The following CTCFL variants were observed in gnomAD, a reference collection of about 807,000 sequenced individuals.
The protein encoded by CTCFL is CCCTC-binding factor like, also known as transcriptional repressor CTCFL.
Under a neutral mutation model 67.4 loss-of-function variants are expected in CTCFL, and 36 were observed. The ratio of observed to expected loss-of-function variants is 0.53; its 90% CI spans 0.41 to 0.71. The LOEUF is 0.71. Among genes scored for constraint, CTCFL ranks in the 30% least tolerant of loss-of-function variants. The pLI, the probability that CTCFL is intolerant of heterozygous loss-of-function variation, is 0.00. For synonymous variants in CTCFL, 324 were observed against 302.3 expected, an observed-to-expected ratio of 1.07 and a Z score of -0.75; for missense variants, 786 against 835.2, an observed-to-expected ratio of 0.94 and a Z score of 0.73.
chr20:57,519,564 C>G (rs772393239), intron 3 of CTCFL, among the ~76,000 whole-genome samples, 187 bp from the exon 4 acceptor site: 15 of 152,170 alleles, frequency 9.9e-5, no homozygotes, highest in Non-Finnish European at 1.9e-4. Flanking sequence ...AATGCATTTT[C>G]GCTGTTTCAA....
chr20:57,500,297 A>G, intron 10 of CTCFL: 1 of 719,966 alleles, frequency 1.4e-6, no homozygotes, highest in Non-Finnish European at 2.0e-6. Context: ...ACTAAAAATA[A>G]TAGAACAATT....
intron 5 of CTCFL, among the ~76,000 whole-genome samples, chr20:57,517,054 A>C (rs932371410): frequency 4.6e-5 from 7 of 152,238 alleles, no homozygotes; most frequent in Non-Finnish European, 1.0e-4. Flanking sequence ...AGAACAAAAG[A>C]AAGCTTAGAA....
intron 10 of CTCFL, chr20:57,499,886 C>CGGTGGTCG: frequency 1.2e-6 from 1 of 830,090 alleles, no homozygotes; most frequent in Non-Finnish European, 1.4e-6. Context: ...AAGCTTCACT[C>CGGTGGTCG]CCTCACCCAC....
chr20:57,501,305 C>T (rs757590091), intron 10 of CTCFL, among the ~76,000 whole-genome samples: 8 of 150,758 alleles, frequency 5.3e-5, no homozygotes, highest in Admixed American at 3.3e-4. Context: ...GGTGGTCGCG[C>T]GAAGTGCTTT....
rs1425700082 is a variant in CTCFL, at chr20:57,502,659, G to GT, written c.1840+776dup. On this transcript the variant is annotated intron_variant, in intron 10 of 10. Coordinates refer to ENST00000243914, the MANE Select transcript of CTCFL (RefSeq NM_001386993.1). ...ACAGTGCAGGTGTTCACCTGTGCAGGTGTCAGGTTGGCCCCTCTTACAGCA... is the reference window on the plus strand; with the variant it reads ...ACAGTGCAGGTGTTCACCTGTGCAGGTTGTCAGGTTGGCCCCTCTTACAGCA... Among the ~76,000 whole-genome samples the GT allele has an allele frequency of 3.9e-5, 6 of 152,156 alleles. 1 individual carries two copies. Among genetic ancestry groups the GT allele is most frequent in the African/African-American group, 1.4e-4 (6 of 41,432 alleles).
At chr20:57,522,139 G>A (rs77521899) in intron 3 of CTCFL, among the ~76,000 whole-genome samples, 3,879 of 152,268 alleles carry the variant, frequency 0.025, 64 homozygotes, top group Middle Eastern at 0.048. Context: ...AACCACCTAT[G>A]GAAGGCAGAG....
rs1393894600 is a variant in CTCFL at position 57,503,565 on chromosome 20, C to T, written c.1711G>A (p.Gly571Arg). Residue 571 changes from glycine (G) to arginine (R), a missense_variant, in exon 10 of 11, where the codon GGG becomes AGG. By Grantham distance (125) the Gly-to-Arg change is moderately radical (BLOSUM62 -2). This residue lies in a region of CTCFL where 199 missense variants were observed against 196.7 expected (regional missense o/e 1.01). Coordinates refer to ENST00000243914, the MANE Select transcript of CTCFL (RefSeq NM_001386993.1). Reference sequence around the variant, plus strand: ...CCTGAAGCAGCCGACTTTGCTTCCCCTGATCCACACTTCTCCGAATGTCTG... The same window carrying T: ...CCTGAAGCAGCCGACTTTGCTTCCCTTGATCCACACTTCTCCGAATGTCTG... Reference protein sequence around the residue: ...LHRHSEKCGSGEAKSAASGKG... With the variant: ...LHRHSEKCGSREAKSAASGKG... 1 of 1,614,074 alleles carries T rather than the reference C, an allele frequency of 6.2e-7. No homozygotes were observed. Among genetic ancestry groups the T allele is most frequent in the Admixed American group, 1.7e-5 (1 of 60,020 alleles).
At position 57,524,058 on chromosome 20, in the gene CTCFL, C is replaced by G. The variant is rs6070128; in HGVS notation, c.148G>C (p.Glu50Gln). The G allele has an allele frequency of 0.39, 627,553 of 1,613,480 alleles. 125,868 individuals are homozygous for G. Among genetic ancestry groups the G allele is most frequent in the Middle Eastern group, 0.5 (3,050 of 6,062 alleles). Residue 50 changes from glutamate (E) to glutamine (Q), a missense_variant, in exon 2 of 11, where the codon GAG becomes CAG. Transcript: ENST00000243914. ...DHRSPSELEA[E>Q]RTSGAFQDSV... The stretch of plus-strand genomic sequence containing the variant: ...TCCTGGAAGGCCCCAGAGGTACGCT[C>G]GGCCTCCAACTCACTAGGGCTCCGA...
At chr20:57,508,550 T>C (rs55924405) in intron 9 of CTCFL, 56 bp downstream of exon 9, 155,164 of 1,544,318 alleles carry the variant, frequency 0.1, 8,776 homozygotes, top group South Asian at 0.15. Flanking sequence ...GACACTGTCC[T>C]CCTGAGATAG....
intron 9 of CTCFL, among the ~76,000 whole-genome samples, chr20:57,504,903 C>T (rs926703123): frequency 6.6e-6 from 1 of 151,904 alleles, no homozygotes; most frequent in Non-Finnish European, 1.5e-5. Context: ...GGCAAGGTAT[C>T]CTCCATGCGC....
Position 57,497,178 on chromosome 20 carries a change from G to A in CTCFL, c.*1372C>T. On this transcript the variant is annotated 3_prime_UTR_variant, in exon 11 of 11. Coordinates refer to ENST00000243914, the MANE Select transcript of CTCFL (RefSeq NM_001386993.1). The stretch of plus-strand genomic sequence containing the variant: ...CATATAACAAATATAGCAATTTTAA[G>A]TCATTTCATTTTATTGAATTATGTA... 2.7e-5 allele frequency: 23 copies of A among 842,318 alleles called. No homozygotes were observed. The highest frequency in any genetic ancestry group is 3.3e-5 in the Non-Finnish European group (23 of 699,646). The allele number at this position is 842,318 out of a possible 1,614,324, so 52.2% of individuals were successfully genotyped here.
intron 5 of CTCFL, among the ~76,000 whole-genome samples, chr20:57,516,872 G>A (rs1334794102): frequency 1.3e-5 from 2 of 152,222 alleles, no homozygotes; most frequent in Admixed American, 6.5e-5. Context: ...TTCTTATTCT[G>A]TATTCGTGTA....
chr20:57,513,000 G>A (rs1236217531), intron 7 of CTCFL, among the ~76,000 whole-genome samples: 2 of 152,016 alleles, frequency 1.3e-5, no homozygotes, highest in African/African-American at 2.4e-5. Context: ...AGATATCACC[G>A]CCTGTCTTCT....
chr20:57,514,897 C>T (rs2068805706), intron 6 of CTCFL, 156 bp from the exon 7 acceptor site: 3 of 706,680 alleles, frequency 4.2e-6, no homozygotes, highest in Non-Finnish European at 7.0e-6. Flanking sequence ...CCAAATCAAG[C>T]CCAGACAGCT....
intron 1 of CTCFL, chr20:57,524,447 G>A (rs749144817): frequency 1.2e-5 from 16 of 1,355,500 alleles, no homozygotes; most frequent in East Asian, 3.0e-5. Flanking sequence ...ACCCTAGAAC[G>A]AACAGGTTTG....
chr20:57,503,567 G>A lies in CTCFL; in HGVS notation c.1709C>T (p.Ser570Leu). 6.2e-7 allele frequency: 1 copy of A among 1,614,122 alleles called. No homozygotes were observed. Among genetic ancestry groups the A allele is most frequent in the South Asian group, 1.1e-5 (1 of 91,080 alleles). Residue 570 changes from serine (S) to leucine (L), a missense_variant, in exon 10 of 11, where the codon TCA (serine) becomes TTA (leucine). Ser to Leu is a moderately radical substitution (Grantham distance 145, BLOSUM62 -2). Around this residue, in one of 3 missense-constraint regions of CTCFL, gnomAD observed 199 missense variants for 196.7 expected, o/e 1.01. Coordinates refer to ENST00000243914, the MANE Select transcript of CTCFL (RefSeq NM_001386993.1). ...TGAAGCAGCCGACTTTGCTTCCCCT[G>A]ATCCACACTTCTCCGAATGTCTGTG... ...NLHRHSEKCGSGEAKSAASGK... is the reference protein window; with the variant it reads ...NLHRHSEKCGLGEAKSAASGK...
chr20:57,519,520 G>T, intron 3 of CTCFL, 143 bp from the exon 4 acceptor site: 1 of 716,764 alleles, frequency 1.4e-6, no homozygotes, highest in African/African-American at 1.8e-5. Context: ...GCTGATCGAA[G>T]CAATTCAGGA....
In CTCFL at chr20:57,512,625, G is replaced by A. The variant is rs756924743; in HGVS notation, c.1458C>T (p.Phe486=). 1 of 1,614,214 alleles carries A rather than the reference G, an allele frequency of 6.2e-7. No individual in the cohort carries two copies. The change falls in exon 8 of 11, where the codon TTC becomes TTT. Residue 486 remains phenylalanine (F), a synonymous_variant. Coordinates refer to ENST00000243914, the MANE Select transcript of CTCFL (RefSeq NM_001386993.1). The part of the protein sequence containing the change: ...HQKTHKNEKR[F]KCKHCSYACK... ...AGGCATAACTGCAGTGTTTGCACTT[G>A]AACCTCTTCTCATTCTTATGAGTTT...
chr20:57,512,586 C>T lies in CTCFL; in HGVS notation c.1491+6G>A. On this transcript the variant is annotated splice_donor_region_variant and intron_variant, in intron 8 of 10. Transcript: ENST00000243914. The stretch of plus-strand genomic sequence containing the variant: ...CTGCCTCTCCAAATTAAGTAAAGTA[C>T]AATACCTGCTTGCAGGCATAACTGC... 6 of 1,613,890 alleles carry T rather than the reference C, an allele frequency of 3.7e-6. No homozygotes were observed. The highest frequency in any genetic ancestry group is 5.1e-6 in the Non-Finnish European group (6 of 1,179,804).
Sources: gnomAD v4.1 joint callset for allele counts (sites outside exome capture counted in the v4.1 genomes callset) on GRCh38, gnomAD v4.1.1 for gene constraint, gnomAD v4.1.1 regional missense constraint, MANE v1.5 for transcripts, NCBI Gene and HGNC (gene_info 2026-07-23, HGNC 2026-07-21) for gene names.